USP3: variants seen among roughly 807,000 people sequenced by gnomAD.
The protein encoded by USP3 is ubiquitin carboxyl-terminal hydrolase 3.
In USP3, 20 loss-of-function variants were observed where a neutral mutation model predicts 72.3. The observed-to-expected ratio is 0.28, with a 90% confidence interval of 0.19 to 0.40. The LOEUF (loss-of-function observed/expected upper bound fraction) is 0.40. Ranked by LOEUF, USP3 falls within the 10% of genes least tolerant of loss-of-function variation. The pLI is 1.00. For synonymous variants in USP3, 222 were observed against 225.3 expected, an observed-to-expected ratio of 0.99 and a Z score of 0.13; for missense variants, 479 against 633.9, an observed-to-expected ratio of 0.76 and a Z score of 2.62.
In USP3 at chr15:63,591,129, CTT is replaced by C. The variant is rs765615834; in HGVS notation, c.*305_*306del. On this transcript the variant is annotated 3_prime_UTR_variant, in exon 15 of 15. Transcript: ENST00000380324. ...TTTATGTTAATGTTTTCAGTTCTCA[CTT>C]TGAGGCACATTTACATCAATGCTTT... The C allele has an allele frequency of 2.4e-5, 6 of 246,498 alleles. No individual in the cohort carries two copies. The highest frequency in any genetic ancestry group is 3.9e-5 in the Non-Finnish European group (5 of 127,554). The allele number at this position is 246,498 out of a possible 1,614,324, so 15.3% of individuals were successfully genotyped here. A position where few individuals can be genotyped will look rare whatever the true frequency, so the allele number is the denominator to read the frequency against.
rs1341956647 is a variant in USP3, at chr15:63,533,019, T to C, written c.152+312T>C. Among the ~76,000 whole-genome samples, 3 of 152,188 alleles carry C rather than the reference T, an allele frequency of 2.0e-5. 1 individual carries two copies. Among genetic ancestry groups the C allele is most frequent in the Admixed American group, 2.0e-4 (3 of 15,266 alleles). ...AAGTACAAATTTACCTAATGGTTGT[T>C]TTTTAAACCTTTTATTAGGGTAAAA... is the stretch of plus-strand genomic sequence containing the variant. On this transcript the variant is annotated intron_variant, in intron 2 of 14. Coordinates refer to ENST00000380324, the MANE Select transcript of USP3 (RefSeq NM_006537.4).
intron 7 of USP3, among the ~76,000 whole-genome samples, chr15:63,561,686 G>A (rs1367557648): frequency 5.9e-5 from 9 of 152,232 alleles, no homozygotes; most frequent in South Asian, 2.1e-4. Flanking sequence ...CTGAGAAGGC[G>A]AGTGTCTGGC....
chr15:63,592,770 T>TTAAG lies in USP3; in HGVS notation c.*1945_*1946insAAGT, dbSNP rs2067229201. 6.6e-6 allele frequency: 1 copy of TTAAG among 152,040 alleles called. No individual in the cohort carries two copies. The highest frequency in any genetic ancestry group is 1.5e-5 in the Non-Finnish European group (1 of 67,986). The allele number at this position is 152,040 out of a possible 1,614,324, so 9.4% of individuals were successfully genotyped here. A position where few individuals can be genotyped will look rare whatever the true frequency, so the allele number is the denominator to read the frequency against. ...AAAAACATCTTGACCTTTTTTTTTT[T>TTAAG]TTAAGTTTATGATATAAAAACAGTC... On this transcript the variant is annotated 3_prime_UTR_variant, in exon 15 of 15. Transcript: ENST00000380324.
Position 63,523,970 on chromosome 15 carries a change from C to G in USP3, c.92-8677C>G, listed in dbSNP as rs560944516. 2.5e-4 allele frequency among the ~76,000 whole-genome samples: 38 copies of G among 152,268 alleles called. 1 individual carries two copies. Among genetic ancestry groups the G allele is most frequent in the Non-Finnish European group, 4.4e-5 (3 of 68,022 alleles). ...ATGAAGACAAAAGGAATTTCTGCCA[C>G]TGTTTATGGCACTTTCTTAAGAATC... On this transcript the variant is annotated intron_variant, in intron 1 of 14. Transcript: ENST00000380324.
At chr15:63,515,140 C>G (rs1317673099) in intron 1 of USP3, among the ~76,000 whole-genome samples, 1 of 152,224 alleles carries the variant, frequency 6.6e-6, no homozygotes, top group Non-Finnish European at 1.5e-5. Context: ...CTTCCTCCCA[C>G]TATCCTTTCC....
chr15:63,591,023 T>G lies in USP3; in HGVS notation c.*197T>G. 1 of 556,882 alleles carries G rather than the reference T, an allele frequency of 1.8e-6. No individual in the cohort carries two copies. The highest frequency in any genetic ancestry group is 2.9e-6 in the Non-Finnish European group (1 of 350,300). 34.5% of individuals were successfully genotyped at this position (556,882 alleles called of 1,614,324 possible). On this transcript the variant is annotated 3_prime_UTR_variant, in exon 15 of 15. Transcript: ENST00000380324. Reference sequence around the variant, plus strand: ...TGTTCTACCAGAAAACCTCAGCAGATGTTTTGATTTGCTGCTTTAGTTGTA... The same window carrying G: ...TGTTCTACCAGAAAACCTCAGCAGAGGTTTTGATTTGCTGCTTTAGTTGTA...
intron 4 of USP3, among the ~76,000 whole-genome samples, chr15:63,555,130 C>T (rs2066489920): frequency 6.6e-6 from 1 of 152,182 alleles, no homozygotes; most frequent in South Asian, 2.1e-4. Context: ...TTCCATTGAT[C>T]ACTTCATCAG....
chr15:63,572,348 C>T (rs1315593403), intron 9 of USP3, among the ~76,000 whole-genome samples: 1 of 151,364 alleles, frequency 6.6e-6, no homozygotes, highest in African/African-American at 2.4e-5. Context: ...ATGAAAGGGT[C>T]AGTTAGAGTC....
At chr15:63,513,863 T>C (rs900754042) in intron 1 of USP3, among the ~76,000 whole-genome samples, 2 of 152,258 alleles carry the variant, frequency 1.3e-5, no homozygotes, top group Non-Finnish European at 2.9e-5. Flanking sequence ...AATGTTCTAC[T>C]ATATTAGGCA....
chr15:63,512,302 CTCCTCTTCTTCTTCT>C (rs1462878124), intron 1 of USP3, among the ~76,000 whole-genome samples: 3 of 147,440 alleles, frequency 2.0e-5, no homozygotes, highest in Admixed American at 6.8e-5. Context: ...CTTCTTCTTC[CTCCTCTTCTTCTTCT>C]TCCTCTTCTT....
chr15:63,581,442 G>C (rs200084444), intron 11 of USP3, among the ~76,000 whole-genome samples: 2 of 149,424 alleles, frequency 1.3e-5, no homozygotes, highest in African/African-American at 2.5e-5. Context: ...AGAGTGCAGC[G>C]GTGCAATCTT....
chr15:63,566,989 A>G (rs2066700814), intron 8 of USP3, among the ~76,000 whole-genome samples: 1 of 152,246 alleles, frequency 6.6e-6, no homozygotes. Flanking sequence ...GATTATACAT[A>G]TGTATATCTC....
rs1246092685 is a variant in USP3, at chr15:63,588,954, G to C, written c.1340G>C (p.Ser447Thr). Residue 447 changes from serine (S) to threonine (T), a missense_variant, in exon 14 of 15, where the codon AGT (serine) becomes ACT (threonine). Transcript: ENST00000380324. This position sits in a 1 kb window ranked among gnomAD's most constrained non-coding sequence, Gnocchi z 4.6. ...TTCCTTGTTCTGTAGCCTGAGAACA[G>C]TGGCCCGGAGAGCTGCCTGTATGAC... ...MKCYLLEPEN[S>T]GPESCLYDLA... 1 of 1,614,050 alleles carries C rather than the reference G, an allele frequency of 6.2e-7. No homozygotes were observed. The highest frequency in any genetic ancestry group is 8.5e-7 in the Non-Finnish European group (1 of 1,180,048).
At chr15:63,547,849 A>G (rs1234508206) in intron 3 of USP3, among the ~76,000 whole-genome samples, 11 of 98,578 alleles carry the variant, frequency 1.1e-4, no homozygotes, top group African/African-American at 3.4e-4. Context: ...AGGGAGGGAG[A>G]GAGAGAGAGA....
At chr15:63,576,702 T>C (rs1324485677) in intron 11 of USP3, among the ~76,000 whole-genome samples, 2 of 152,230 alleles carry the variant, frequency 1.3e-5, no homozygotes, top group East Asian at 1.9e-4. Flanking sequence ...AGTTTAGGGT[T>C]TGGCTGGAAA....
chr15:63,550,678 T>G (rs547139035), intron 3 of USP3, among the ~76,000 whole-genome samples: 2 of 152,354 alleles, frequency 1.3e-5, no homozygotes, highest in African/African-American at 4.8e-5. Flanking sequence ...GCTGACTTAA[T>G]TGGTCTTTAA....
intron 1 of USP3, among the ~76,000 whole-genome samples, chr15:63,518,910 C>T (rs775228642): frequency 4.8e-4 from 73 of 152,170 alleles, no homozygotes; most frequent in Middle Eastern, 3.4e-3. Flanking sequence ...GGACTACTGG[C>T]ACTCACCACC....
At chr15:63,517,335 G>C (rs1163071638) in intron 1 of USP3, among the ~76,000 whole-genome samples, 1 of 151,950 alleles carries the variant, frequency 6.6e-6, no homozygotes, top group Non-Finnish European at 1.5e-5. Flanking sequence ...TTGTTTTGCA[G>C]TATCTTCTCT....
At chr15:63,539,111 C>CT (rs549764225) in intron 3 of USP3, among the ~76,000 whole-genome samples, 3,021 of 145,082 alleles carry the variant, frequency 0.021, 35 homozygotes, top group Non-Finnish European at 0.03. Flanking sequence ...CTCAGGTTTT[C>CT]TTTTTTTTTT....
Sources: gnomAD v4.1 joint callset for allele counts (sites outside exome capture counted in the v4.1 genomes callset) on GRCh38, gnomAD v4.1.1 for gene constraint, Gnocchi (gnomAD v3.1) non-coding constraint, MANE v1.5 for transcripts, NCBI Gene and HGNC (gene_info 2026-07-23, HGNC 2026-07-21) for gene names.